Variants in RBPMS observed in about 807,000 individuals in gnomAD.
The protein encoded by RBPMS is RNA-binding protein with multiple splicing.
Under a neutral mutation model 26.8 loss-of-function variants are expected in RBPMS, and 7 were observed. The observed-to-expected ratio is 0.26, with a 90% confidence interval of 0.15 to 0.49. The LOEUF (loss-of-function observed/expected upper bound fraction) is 0.49, where lower values mean the gene tolerates loss of function less well. Among genes scored for constraint, RBPMS ranks in the 20% least tolerant of loss-of-function variants. The pLI is 0.98. For synonymous variants in RBPMS, 96 were observed against 93.3 expected (o/e 1.03, Z -0.17); for missense variants, 186 against 250.0 (o/e 0.74, Z 1.73).
At chr8:30,416,312 TTTG>T (rs1810060801) in intron 1 of RBPMS, among the ~76,000 whole-genome samples, 1 of 152,220 alleles carries the variant, frequency 6.6e-6, no homozygotes, top group South Asian at 2.1e-4. Context: ...TTTTCATTGT[TTTG>T]TTGTTGTTGT....
intron 1 of RBPMS, chr8:30,445,330 G>A (rs952889520): frequency 1.4e-4 from 21 of 152,084 alleles, no homozygotes; most frequent in Admixed American, 4.6e-4. Flanking sequence ...AACTCTGAAG[G>A]ACAAAGTTAA....
intron 3 of RBPMS, 67 bp from the exon 4 acceptor site, chr8:30,479,248 A>G: frequency 8.6e-7 from 1 of 1,156,468 alleles, no homozygotes; most frequent in Non-Finnish European, 1.3e-6. Flanking sequence ...GTTTGATGTC[A>G]CCCTTGACCT....
At chr8:30,462,141 G>GT (rs1416916656) in intron 1 of RBPMS, among the ~76,000 whole-genome samples, 3 of 152,148 alleles carry the variant, frequency 2.0e-5, no homozygotes, top group Admixed American at 1.3e-4. Flanking sequence ...GTGCCCAAGG[G>GT]TACAACTGCT....
chr8:30,492,450 C>A (rs1038045475), intron 4 of RBPMS, among the ~76,000 whole-genome samples: 1 of 147,372 alleles, frequency 6.8e-6, no homozygotes, highest in Non-Finnish European at 1.5e-5. Flanking sequence ...CACCAGTAAC[C>A]CTTTGACTTA....
At chr8:30,541,237 G>A (rs1055530307) in intron 5 of RBPMS, among the ~76,000 whole-genome samples, 4 of 152,070 alleles carry the variant, frequency 2.6e-5, no homozygotes, top group East Asian at 1.9e-4. Context: ...CATCTAAAAC[G>A]AAAAGGCAGA....
At chr8:30,562,050 AC>A (rs1827535354) in intron 7 of RBPMS, 1 of 985,204 alleles carries the variant, frequency 1.0e-6, no homozygotes, top group African/African-American at 1.7e-5. Flanking sequence ...TATGTAATGG[AC>A]CAGGCGCAGT....
intron 1 of RBPMS, among the ~76,000 whole-genome samples, chr8:30,470,592 A>G (rs1269329630): frequency 3.9e-5 from 6 of 152,214 alleles, no homozygotes. Flanking sequence ...TAATGTAAGT[A>G]TTCAAAAATT....
chr8:30,417,301 A>G (rs751401869), intron 1 of RBPMS, among the ~76,000 whole-genome samples: 2 of 152,206 alleles, frequency 1.3e-5, no homozygotes, highest in Non-Finnish European at 2.9e-5. Context: ...GAATTGTCCA[A>G]TGCCCTCTGT....
chr8:30,423,170 C>G (rs1810984773), intron 1 of RBPMS, among the ~76,000 whole-genome samples: 1 of 152,214 alleles, frequency 6.6e-6, no homozygotes, highest in South Asian at 2.1e-4. Flanking sequence ...TATCTGGTTT[C>G]CCAGCCTCGC....
intron 5 of RBPMS, among the ~76,000 whole-genome samples, chr8:30,511,095 T>A (rs930645599): frequency 2.0e-5 from 3 of 151,814 alleles, no homozygotes; most frequent in African/African-American, 7.3e-5. Flanking sequence ...TCTCAAGTGA[T>A]CAGGAGGTCA....
chr8:30,391,777 G>A (rs1807817826), intron 1 of RBPMS, among the ~76,000 whole-genome samples: 1 of 152,116 alleles, frequency 6.6e-6, no homozygotes, highest in African/African-American at 2.4e-5. Context: ...TGAGTAAAGG[G>A]GATATGTCTG....
intron 8 of RBPMS, among the ~76,000 whole-genome samples, chr8:30,568,572 AAGG>A (rs1183012896): frequency 6.6e-6 from 1 of 152,172 alleles, no homozygotes; most frequent in Non-Finnish European, 1.5e-5. Flanking sequence ...TACCTGAGAT[AAGG>A]AGATTTGTTC....
At position 30,514,477 on chromosome 8, in the gene RBPMS, A is replaced by C. The variant is rs1189379185; in HGVS notation, c.397+10041A>C. 2.0e-5 allele frequency among the ~76,000 whole-genome samples: 3 copies of C among 152,132 alleles called. No homozygotes were observed. In the East Asian group the frequency reaches 5.8e-4, roughly 29 times the overall value. ...ATAAAATTTTAGGTTTAAGGCAAAAATTAGAATTTTTGAAAACTTGACCAC... is the reference window on the plus strand; with the variant it reads ...ATAAAATTTTAGGTTTAAGGCAAAACTTAGAATTTTTGAAAACTTGACCAC... On this transcript the variant is annotated intron_variant, in intron 5 of 8. Transcript: ENST00000397323.
At chr8:30,425,958 T>TA (rs1811310978) in intron 1 of RBPMS, among the ~76,000 whole-genome samples, 2 of 152,170 alleles carry the variant, frequency 1.3e-5, no homozygotes, top group Non-Finnish European at 1.5e-5. Flanking sequence ...TGCTGACTCT[T>TA]ATCGATGGTG....
At chr8:30,424,724 A>G (rs1811161213) in intron 1 of RBPMS, among the ~76,000 whole-genome samples, 1 of 152,156 alleles carries the variant, frequency 6.6e-6, no homozygotes, top group East Asian at 1.9e-4. Context: ...ACAGAATTTG[A>G]TCTAGAAAGA....
At chr8:30,497,211 C>T (rs1158734233) in intron 4 of RBPMS, among the ~76,000 whole-genome samples, 1 of 152,080 alleles carries the variant, frequency 6.6e-6, no homozygotes, top group Non-Finnish European at 1.5e-5. Flanking sequence ...TTTGTGGTCC[C>T]CAGGATATTT....
intron 1 of RBPMS, among the ~76,000 whole-genome samples, chr8:30,456,221 T>C (rs1164136641): frequency 6.6e-6 from 1 of 152,214 alleles, no homozygotes; most frequent in African/African-American, 2.4e-5. Flanking sequence ...AAGATGACAC[T>C]GCAAATAAAA....
At chr8:30,475,887 C>G (rs931711082) in intron 2 of RBPMS, among the ~76,000 whole-genome samples, 1 of 152,090 alleles carries the variant, frequency 6.6e-6, no homozygotes, top group African/African-American at 2.4e-5. Flanking sequence ...CACAGGGAAA[C>G]AGAGGTCAGG....
chr8:30,410,940 A>G (rs542016558), intron 1 of RBPMS, among the ~76,000 whole-genome samples: 1 of 152,136 alleles, frequency 6.6e-6, no homozygotes, highest in African/African-American at 2.4e-5. Flanking sequence ...GGGTGTTGCT[A>G]CTTTGCCCAG....
Sources: gnomAD v4.1 joint callset for allele counts (sites outside exome capture counted in the v4.1 genomes callset) on GRCh38, gnomAD v4.1.1 for gene constraint, MANE v1.5 for transcripts, NCBI Gene and HGNC (gene_info 2026-07-23, HGNC 2026-07-21) for gene names.